Variants in AOPEP observed in about 807,000 individuals in gnomAD.
AOPEP encodes the protein aminopeptidase O (putative), also known as aminopeptidase O.
Under a neutral mutation model 98.1 loss-of-function variants are expected in AOPEP, and 77 were observed. The ratio of observed to expected loss-of-function variants is 0.78; its 90% CI spans 0.65 to 0.95. The LOEUF (loss-of-function observed/expected upper bound fraction) is 0.95, where lower values mean the gene tolerates loss of function less well. Ranked by LOEUF, AOPEP falls within the 40% of genes least tolerant of loss-of-function variation. The probability of loss-of-function intolerance (pLI) is 0.00; values close to 1 mark genes in which losing one functional copy is unlikely to be tolerated. For synonymous variants in AOPEP, 346 were observed against 365.3 expected (o/e 0.95, Z 0.60); for missense variants, 1,024 against 1,024.7 (o/e 1.00, Z 0.01).
At chr9:94,926,230 G>C (rs1054058289) in intron 6 of AOPEP, among the ~76,000 whole-genome samples, 2 of 152,162 alleles carry the variant, frequency 1.3e-5, no homozygotes, top group East Asian at 3.8e-4. Flanking sequence ...GCTTGGTCCT[G>C]CCTCTTGACT....
chr9:94,881,187 C>A (rs1588682004), intron 5 of AOPEP, among the ~76,000 whole-genome samples: 2 of 151,744 alleles, frequency 1.3e-5, no homozygotes, highest in East Asian at 3.9e-4. Flanking sequence ...AAATTAAGTT[C>A]ATTCCCTAAA....
At chr9:95,121,858 ATTTTTTT>A in the AOPEP span, among the ~76,000 whole-genome samples, 1 of 138,130 alleles carries the variant, frequency 7.2e-6, no homozygotes, top group Non-Finnish European at 1.6e-5. Context: ...CATAAAATTC[ATTTTTTT>A]TTTTTTTTTT....
At chr9:94,891,681 G>A (rs1588729045) in intron 5 of AOPEP, among the ~76,000 whole-genome samples, 1 of 151,984 alleles carries the variant, frequency 6.6e-6, no homozygotes, top group Admixed American at 6.6e-5. Flanking sequence ...TTTGTCTTAG[G>A]TGTTTCCTCT....
At chr9:95,123,305 A>AAAAAT in the AOPEP span, 1 of 295,760 alleles carries the variant, frequency 3.4e-6, no homozygotes, top group Non-Finnish European at 6.5e-6. Flanking sequence ...GCCTGTCTCA[A>AAAAAT]AAAATAAAAT....
At chr9:94,746,881 C>G (rs951927204) in intron 1 of AOPEP, among the ~76,000 whole-genome samples, 8 of 152,104 alleles carry the variant, frequency 5.3e-5, no homozygotes, top group Admixed American at 2.0e-4. Flanking sequence ...CCCCTCCCCC[C>G]CACTTGACTG....
At chr9:94,857,747 C>A (rs561422059) in intron 5 of AOPEP, among the ~76,000 whole-genome samples, 40 of 152,268 alleles carry the variant, frequency 2.6e-4, no homozygotes, top group African/African-American at 9.4e-4. Context: ...ACAGGCTTAT[C>A]ATTTCATGGA....
At chr9:94,969,028 G>T (rs1383583483) in intron 10 of AOPEP, among the ~76,000 whole-genome samples, 1 of 152,184 alleles carries the variant, frequency 6.6e-6, no homozygotes, top group Non-Finnish European at 1.5e-5. Context: ...TGAGTAAGCT[G>T]CCCAGGATCT....
At chr9:94,774,805 A>T (rs1007665474) in intron 3 of AOPEP, among the ~76,000 whole-genome samples, 28 of 152,214 alleles carry the variant, frequency 1.8e-4, no homozygotes, top group African/African-American at 6.8e-4. Flanking sequence ...GTGCCAATTT[A>T]TACATTCATC....
chr9:95,098,279 G>C, the AOPEP span, among the ~76,000 whole-genome samples: 1 of 152,050 alleles, frequency 6.6e-6, no homozygotes, highest in Non-Finnish European at 1.5e-5. Flanking sequence ...GACCCCATTC[G>C]TAACTTCTCC....
chr9:95,011,882 C>T (rs954694484), intron 13 of AOPEP, among the ~76,000 whole-genome samples: 8 of 152,106 alleles, frequency 5.3e-5, no homozygotes, highest in Admixed American at 3.3e-4. Context: ...AATTCCTTCC[C>T]GTTTTTAACT....
chr9:94,834,629 C>T (rs1007168780), intron 5 of AOPEP, among the ~76,000 whole-genome samples: 6 of 152,002 alleles, frequency 3.9e-5, no homozygotes, highest in Non-Finnish European at 8.8e-5. Context: ...CTTTTCTCTA[C>T]TAAAAATCAA....
intron 5 of AOPEP, among the ~76,000 whole-genome samples, chr9:94,818,538 A>C (rs1177243756): frequency 6.6e-6 from 1 of 152,158 alleles, no homozygotes; most frequent in African/African-American, 2.4e-5. Flanking sequence ...CAGCACCTAC[A>C]TTTTTGTTAG....
Position 94,862,615 on chromosome 9 carries a change from C to T in AOPEP, c.1365-61371C>T, listed in dbSNP as rs115534816. On this transcript the variant is annotated intron_variant, in intron 5 of 16. Coordinates refer to ENST00000375315, the MANE Select transcript of AOPEP (RefSeq NM_001193329.3). The stretch of plus-strand genomic sequence containing the variant: ...GCATCTCCAGGTTCTGCCCCTCCTG[C>T]AAGGCCCACCTTAAGGGCCAGCGCC... Among the ~76,000 whole-genome samples, 441 of 152,348 alleles carry T rather than the reference C, an allele frequency of 2.9e-3. 1 individual carries two copies. Among genetic ancestry groups the T allele is most frequent in the Middle Eastern group, 0.01 (3 of 294 alleles).
At position 94,781,275 on chromosome 9, in the gene AOPEP, C is replaced by A. The variant is rs564356406; in HGVS notation, c.964+8107C>A. Among the ~76,000 whole-genome samples, 6 of 151,982 alleles carry A rather than the reference C, an allele frequency of 3.9e-5. No individual in the cohort carries two copies. In the South Asian group the frequency reaches 1.2e-3, roughly 32 times the overall value. The stretch of plus-strand genomic sequence containing the variant: ...ACCAAAATATAGCTAAACTATTGAG[C>A]GCAGAGACCCAATGCCTAATACAGT... On this transcript the variant is annotated intron_variant, in intron 3 of 16. Transcript: ENST00000375315.
At chr9:94,775,827 A>G (rs1336094911) in intron 3 of AOPEP, among the ~76,000 whole-genome samples, 2 of 151,994 alleles carry the variant, frequency 1.3e-5, no homozygotes, top group East Asian at 3.9e-4. Flanking sequence ...ATAAACAAAC[A>G]AACAAAAAAT....
At chr9:95,005,267 A>C in intron 12 of AOPEP, 47 bp downstream of exon 12, 1 of 993,398 alleles carries the variant, frequency 1.0e-6, no homozygotes, top group Non-Finnish European at 1.2e-6. Flanking sequence ...CGCCGGCGCG[A>C]GACCGCGGCT....
At chr9:94,866,619 TTAGAAGA>T (rs1342518142) in intron 5 of AOPEP, among the ~76,000 whole-genome samples, 1 of 152,292 alleles carries the variant, frequency 6.6e-6, no homozygotes, top group South Asian at 2.1e-4. Flanking sequence ...AGAAAAGGCA[TTAGAAGA>T]GATTGATGAT....
At chr9:94,838,040 G>T (rs1355462921) in intron 5 of AOPEP, among the ~76,000 whole-genome samples, 1 of 151,910 alleles carries the variant, frequency 6.6e-6, no homozygotes, top group Admixed American at 6.6e-5. Context: ...ACGGAGTCTT[G>T]CTCTGTCTCC....
chr9:95,043,369 T>TA (rs966447272), intron 13 of AOPEP, among the ~76,000 whole-genome samples: 2 of 151,994 alleles, frequency 1.3e-5, no homozygotes, highest in African/African-American at 4.8e-5. Context: ...AAGTTTCTGT[T>TA]ACACTGTAAT....
Sources: gnomAD v4.1 joint callset for allele counts (sites outside exome capture counted in the v4.1 genomes callset) on GRCh38, gnomAD v4.1.1 for gene constraint, MANE v1.5 for transcripts, NCBI Gene and HGNC (gene_info 2026-07-23, HGNC 2026-07-21) for gene names.